Variants in PLCB1 observed in about 807,000 individuals in gnomAD.
The protein encoded by PLCB1 is phospholipase C beta 1.
A neutral mutation model predicts 161.8 loss-of-function variants in PLCB1; 46 were observed. The ratio of observed to expected loss-of-function variants is 0.28; its 90% CI spans 0.22 to 0.36. PLCB1 has a LOEUF of 0.36. PLCB1 is among the 10% of genes least tolerant of loss of function. The probability of loss-of-function intolerance (pLI) is 1.00; values close to 1 mark genes in which losing one functional copy is unlikely to be tolerated. For missense variants in PLCB1, 1,016 were observed against 1,472.5 expected (o/e 0.69, Z 5.07); for synonymous variants, 517 against 503.7 (o/e 1.03, Z -0.35).
intron 3 of PLCB1, among the ~76,000 whole-genome samples, chr20:8,601,079 G>T (rs1424198136): frequency 6.6e-6 from 1 of 152,154 alleles, no homozygotes; most frequent in Non-Finnish European, 1.5e-5. Context: ...CTCACGCTGG[G>T]AGCTGTAGAC....
chr20:8,157,534 C>T (rs2051574549), intron 2 of PLCB1, among the ~76,000 whole-genome samples: 1 of 152,146 alleles, frequency 6.6e-6, no homozygotes, highest in African/African-American at 2.4e-5. Flanking sequence ...TAAGTTTTTC[C>T]ATTTTTATTA....
chr20:8,674,990 A>AT (rs1990039422), intron 9 of PLCB1, among the ~76,000 whole-genome samples: 1 of 151,926 alleles, frequency 6.6e-6, no homozygotes, highest in Non-Finnish European at 1.5e-5. Flanking sequence ...TTTTTTTTAG[A>AT]TTTGATGGTA....
chr20:8,459,590 G>A (rs1981479303), intron 3 of PLCB1, among the ~76,000 whole-genome samples: 1 of 152,100 alleles, frequency 6.6e-6, no homozygotes, highest in Non-Finnish European at 1.5e-5. Flanking sequence ...AAGCATGTGA[G>A]GTCATTTAAA....
chr20:8,722,848 A>T (rs1443765427), intron 15 of PLCB1, among the ~76,000 whole-genome samples: 3 of 152,112 alleles, frequency 2.0e-5, no homozygotes, highest in Non-Finnish European at 4.4e-5. Flanking sequence ...TTAAAAAAAC[A>T]AGTTAAAATG....
At chr20:8,329,012 A>G (rs544693737) in intron 2 of PLCB1, among the ~76,000 whole-genome samples, 1 of 152,238 alleles carries the variant, frequency 6.6e-6, no homozygotes, top group Non-Finnish European at 1.5e-5. Context: ...TCAAATGAGA[A>G]TACAAGATGC....
At chr20:8,281,759 T>A (rs1982886265) in intron 2 of PLCB1, among the ~76,000 whole-genome samples, 1 of 152,164 alleles carries the variant, frequency 6.6e-6, no homozygotes, top group Non-Finnish European at 1.5e-5. Flanking sequence ...TCTATTTAGA[T>A]GTCTACTTTC....
At chr20:8,167,997 C>T (rs1266680406) in intron 2 of PLCB1, among the ~76,000 whole-genome samples, 1 of 152,094 alleles carries the variant, frequency 6.6e-6, no homozygotes, top group Non-Finnish European at 1.5e-5. Context: ...GCTAGGATGG[C>T]TAGGCTGACT....
chr20:8,294,883 G>A lies in PLCB1; in HGVS notation c.178-76499G>A, dbSNP rs1483541696. 2.0e-5 allele frequency among the ~76,000 whole-genome samples: 3 copies of A among 152,002 alleles called. No homozygotes were observed. The South Asian group carries it at 6.2e-4, about 32-fold the overall frequency. ...AATAATGTCAACTTAAATGACCATC[G>A]ATAGGAAAATAACTAGTGGTATAGT... On this transcript the variant is annotated intron_variant, in intron 2 of 31. Coordinates refer to ENST00000338037, the MANE Select transcript of PLCB1 (RefSeq NM_015192.4).
intron 31 of PLCB1, among the ~76,000 whole-genome samples, chr20:8,820,857 A>T (rs1401096643): frequency 6.6e-6 from 1 of 152,252 alleles, no homozygotes; most frequent in South Asian, 2.1e-4. Context: ...CAAAATATTT[A>T]GTTAAAAAAA....
At chr20:8,710,958 C>T (rs180943405) in intron 12 of PLCB1, among the ~76,000 whole-genome samples, 138 of 152,228 alleles carry the variant, frequency 9.1e-4, no homozygotes, top group African/African-American at 3.1e-3. Context: ...TTATTAATAG[C>T]GAACATTTAT....
chr20:8,823,875 C>G (rs1455887592), intron 31 of PLCB1, among the ~76,000 whole-genome samples: 2 of 151,956 alleles, frequency 1.3e-5, no homozygotes, highest in Non-Finnish European at 2.9e-5. Flanking sequence ...CACTTTCCAC[C>G]ATATCACAAG....
chr20:8,747,126 G>A (rs879658349), intron 23 of PLCB1, among the ~76,000 whole-genome samples: 3 of 152,214 alleles, frequency 2.0e-5, no homozygotes, highest in Non-Finnish European at 4.4e-5. Context: ...CAGGATATAA[G>A]ACCTTTACCT....
At chr20:8,273,103 A>G (rs532999332) in intron 2 of PLCB1, among the ~76,000 whole-genome samples, 5 of 152,316 alleles carry the variant, frequency 3.3e-5, no homozygotes, top group African/African-American at 7.2e-5. Context: ...GCAATAATGA[A>G]CAACAAAGAT....
chr20:8,377,659 G>T (rs1303838697), intron 3 of PLCB1, among the ~76,000 whole-genome samples: 1 of 152,146 alleles, frequency 6.6e-6, no homozygotes, highest in Non-Finnish European at 1.5e-5. Flanking sequence ...TAATGTATTG[G>T]ATGTGAAGTA....
chr20:8,202,233 T>C (rs1184057618), intron 2 of PLCB1, among the ~76,000 whole-genome samples: 1 of 146,186 alleles, frequency 6.8e-6, no homozygotes, highest in Non-Finnish European at 1.5e-5. Flanking sequence ...ATGCGCACCA[T>C]GCCCAGCTAA....
chr20:8,434,985 A>G (rs1980234222), intron 3 of PLCB1, among the ~76,000 whole-genome samples: 1 of 152,172 alleles, frequency 6.6e-6, no homozygotes, highest in South Asian at 2.1e-4. Flanking sequence ...CATTCTAACA[A>G]AAGTTTGTAG....
intron 2 of PLCB1, among the ~76,000 whole-genome samples, chr20:8,277,290 G>A (rs1982630451): frequency 6.6e-6 from 1 of 151,956 alleles, no homozygotes; most frequent in South Asian, 2.1e-4. Context: ...ACCAAGCCAT[G>A]TATAAAAGAG....
chr20:8,681,086 G>GTGTGTGTGTGTATATATATATA (rs1394518085), intron 9 of PLCB1, among the ~76,000 whole-genome samples: 2 of 73,854 alleles, frequency 2.7e-5, no homozygotes, highest in Non-Finnish European at 5.2e-5. Flanking sequence ...ATGTGTGTGT[G>GTGTGTGTGTGTATATATATATA]TATATATATA....
intron 3 of PLCB1, among the ~76,000 whole-genome samples, chr20:8,474,197 G>A (rs1271032186): frequency 6.6e-6 from 1 of 152,098 alleles, no homozygotes; most frequent in Non-Finnish European, 1.5e-5. Context: ...TGGGTATATA[G>A]CCATGAATAA....
Sources: gnomAD v4.1 joint callset for allele counts (sites outside exome capture counted in the v4.1 genomes callset) on GRCh38, gnomAD v4.1.1 for gene constraint, MANE v1.5 for transcripts, NCBI Gene and HGNC (gene_info 2026-07-23, HGNC 2026-07-21) for gene names.